DNAH9: variants seen among roughly 807,000 people sequenced by gnomAD.
The protein encoded by DNAH9 is dynein axonemal heavy chain 9, also known as DNAH9 variant protein.
In DNAH9, 345 loss-of-function variants were observed where a neutral mutation model predicts 471.6. The ratio of observed to expected loss-of-function variants is 0.73; its 90% CI spans 0.67 to 0.80. The LOEUF (loss-of-function observed/expected upper bound fraction) is 0.80. Ranked by LOEUF, DNAH9 falls within the 30% of genes least tolerant of loss-of-function variation. The probability of loss-of-function intolerance (pLI) is 0.00; values close to 1 mark genes in which losing one functional copy is unlikely to be tolerated. For synonymous variants in DNAH9, 2,093 were observed against 2,123.6 expected, an observed-to-expected ratio of 0.99 and a Z score of 0.40; for missense variants, 5,407 against 5,609.2, an observed-to-expected ratio of 0.96 and a Z score of 1.15.
At chr17:11,672,475 T>C (rs1187428404) in intron 17 of DNAH9, among the ~76,000 whole-genome samples, 2 of 152,184 alleles carry the variant, frequency 1.3e-5, no homozygotes, top group Admixed American at 6.5e-5. Flanking sequence ...ATGGTTGCTC[T>C]TCAGTGCTGC....
intron 56 of DNAH9, among the ~76,000 whole-genome samples, chr17:11,885,635 T>A (rs567252702): frequency 4.6e-5 from 7 of 152,352 alleles, no homozygotes; most frequent in African/African-American, 1.7e-4. Context: ...TTTCCAGATA[T>A]GCCTGTTCTT....
intron 65 of DNAH9, among the ~76,000 whole-genome samples, chr17:11,934,847 G>A (rs1437091711): frequency 1.3e-5 from 2 of 152,192 alleles, no homozygotes; most frequent in Non-Finnish European, 2.9e-5. Context: ...CCCTGGAGGA[G>A]CATGGTCTTG....
At position 11,689,619 on chromosome 17, in the gene DNAH9, A is replaced by G. The variant is rs1567719973; in HGVS notation, c.3797A>G (p.Gln1266Arg). 2 of 1,613,986 alleles carry G rather than the reference A, an allele frequency of 1.2e-6. No individual in the cohort carries two copies. Among genetic ancestry groups the G allele is most frequent in the Non-Finnish European group, 1.7e-6 (2 of 1,179,972 alleles). ...CTGGATGCCAGGCACATCGAGATCCAGCAGATGGAATCCACTATGGCCTCC... is the reference window on the plus strand; with the variant it reads ...CTGGATGCCAGGCACATCGAGATCCGGCAGATGGAATCCACTATGGCCTCC... ...QMLDARHIEI[Q>R]QMESTMASIS... The change falls in exon 20 of 69, where the codon CAG (glutamine) becomes CGG (arginine). Residue 1266 changes from glutamine (Q) to arginine (R), a missense_variant. Physicochemically the swap from Gln to Arg is conservative, Grantham distance 43. Around this residue, in one of 3 missense-constraint regions of DNAH9, gnomAD observed 4,636 missense variants for 4,900.3 expected, o/e 0.95. Coordinates refer to ENST00000262442, the MANE Select transcript of DNAH9 (RefSeq NM_001372.4).
intron 20 of DNAH9, among the ~76,000 whole-genome samples, chr17:11,693,505 C>T (rs377219157): frequency 5.3e-5 from 8 of 151,896 alleles, no homozygotes; most frequent in East Asian, 3.9e-4. Flanking sequence ...ACCATCCGCC[C>T]GCGTCAGCCT....
In DNAH9 at chr17:11,797,721, A is replaced by G. The variant is rs1430526782; in HGVS notation, c.8348A>G (p.Glu2783Gly). 6.2e-7 allele frequency: 1 copy of G among 1,614,220 alleles called. No individual in the cohort carries two copies. Among genetic ancestry groups the G allele is most frequent in the Non-Finnish European group, 8.5e-7 (1 of 1,180,040 alleles). ...SWELLTQTLV[E>G]ALENHNEVNT... ...GAACTTTTGACCCAGACTCTGGTGG[A>G]GGCCTTGGAGAACCACAATGAAGTC... is the stretch of plus-strand genomic sequence containing the variant. The change falls in exon 43 of 69, where the codon GAG becomes GGG. Residue 2783 changes from glutamate to glycine, a missense_variant. By Grantham distance (98) the Glu-to-Gly change is moderately conservative. Transcript: ENST00000262442.
intron 30 of DNAH9, among the ~76,000 whole-genome samples, chr17:11,743,941 T>C (rs2075473682): frequency 6.6e-6 from 1 of 151,934 alleles, no homozygotes; most frequent in Non-Finnish European, 1.5e-5. Context: ...GTGATTCTCC[T>C]GCCTCAGCCT....
intron 6 of DNAH9, among the ~76,000 whole-genome samples, chr17:11,627,967 A>G (rs1025844304): frequency 3.9e-5 from 6 of 152,148 alleles, no homozygotes; most frequent in African/African-American, 1.4e-4. Flanking sequence ...AGCAGCAGCC[A>G]TGGGCAGTGA....
intron 4 of DNAH9, chr17:11,612,858 C>A (rs1230466199): frequency 2.0e-5 from 3 of 152,182 alleles, no homozygotes; most frequent in African/African-American, 7.2e-5. Context: ...AGAACTCTTT[C>A]TTTAAATACA....
At position 11,719,359 on chromosome 17, in the gene DNAH9, C is replaced by G. The variant is rs201734827; in HGVS notation, c.5578C>G (p.Leu1860Val). Reference protein sequence around the residue: ...DRCYITLTQSLHLTMSGAPAG... With the variant: ...DRCYITLTQSVHLTMSGAPAG... ...GTGCTACATCACCCTCACCCAGTCC[C>G]TGCACCTGACCATGAGTGGGGCTCC... Residue 1860 changes from leucine (L) to valine (V), a missense_variant, in exon 27 of 69, where the codon CTG becomes GTG. By Grantham distance (32) the Leu-to-Val change is conservative. Around this residue, in one of 3 missense-constraint regions of DNAH9, gnomAD observed 4,636 missense variants for 4,900.3 expected, o/e 0.95. Transcript: ENST00000262442. 1.1e-5 allele frequency: 18 copies of G among 1,614,126 alleles called. No homozygotes were observed. The East Asian group carries it at 4.0e-4, about 36-fold the overall frequency.
chr17:11,824,710 C>T (rs1268403674), intron 48 of DNAH9, among the ~76,000 whole-genome samples: 2 of 152,148 alleles, frequency 1.3e-5, no homozygotes, highest in Admixed American at 6.5e-5. Flanking sequence ...ACAACCCTTT[C>T]GCATTTTATC....
chr17:11,888,202 T>A (rs532618676), intron 57 of DNAH9, among the ~76,000 whole-genome samples: 8 of 152,024 alleles, frequency 5.3e-5, no homozygotes, highest in Non-Finnish European at 1.0e-4. Context: ...GCCAGGATGG[T>A]CTCGATCTCC....
chr17:11,709,652 T>C (rs2052048), intron 26 of DNAH9, among the ~76,000 whole-genome samples: 144,354 of 152,230 alleles, frequency 0.95, 68,662 homozygotes, highest in Non-Finnish European at 0.99. Flanking sequence ...GATGGTTCAG[T>C]CCTTGTCACA....
chr17:11,795,441 C>A (rs922702115), intron 42 of DNAH9, among the ~76,000 whole-genome samples: 1 of 152,146 alleles, frequency 6.6e-6, no homozygotes, highest in African/African-American at 2.4e-5. Context: ...TGGTTTAGCT[C>A]CGTATTTTTT....
chr17:11,761,971 G>A (rs1967691489), intron 35 of DNAH9, among the ~76,000 whole-genome samples: 1 of 152,050 alleles, frequency 6.6e-6, no homozygotes, highest in African/African-American at 2.4e-5. Flanking sequence ...GGAATGGAAG[G>A]GCAGTTGGCA....
chr17:11,945,366 G>A (rs748863800), intron 67 of DNAH9, among the ~76,000 whole-genome samples: 12 of 151,756 alleles, frequency 7.9e-5, no homozygotes, highest in African/African-American at 9.7e-5. Context: ...GCAAAACCCC[G>A]TCTCTACTAA....
chr17:11,639,680 G>A (rs950617777), intron 9 of DNAH9, among the ~76,000 whole-genome samples: 4 of 152,160 alleles, frequency 2.6e-5, no homozygotes, highest in African/African-American at 9.7e-5. Flanking sequence ...AACCCTGACT[G>A]TTCAATTAGA....
chr17:11,727,947 C>T, intron 28 of DNAH9, 25 bp downstream of exon 28: 1 of 1,467,140 alleles, frequency 6.8e-7, no homozygotes, highest in Non-Finnish European at 9.6e-7. Context: ...TTGGTGGGAG[C>T]CTTGTGGTCT....
intron 53 of DNAH9, chr17:11,875,697 A>G (rs1597775305): frequency 1.3e-5 from 2 of 154,484 alleles, no homozygotes; most frequent in Non-Finnish European, 2.9e-5. Context: ...AGCCCTTGGT[A>G]CCTGCCATAT....
intron 64 of DNAH9, among the ~76,000 whole-genome samples, chr17:11,933,473 C>T (rs571499635): frequency 5.3e-5 from 8 of 152,050 alleles, no homozygotes; most frequent in East Asian, 1.9e-4. Flanking sequence ...CTCCGCCTCC[C>T]GGGTTCAAGA....
Sources: allele counts gnomAD v4.1 joint callset (sites outside exome capture counted in the v4.1 genomes callset), GRCh38; gene constraint gnomAD v4.1.1; regional missense constraint gnomAD v4.1.1; transcripts MANE v1.5; gene names NCBI Gene and HGNC (gene_info 2026-07-23, HGNC 2026-07-21).